RPIA: variants seen among roughly 807,000 people sequenced by gnomAD.
The protein encoded by RPIA is ribose-5-phosphate isomerase.
Under a neutral mutation model 37.8 loss-of-function variants are expected in RPIA, and 29 were observed. The ratio of observed to expected loss-of-function variants is 0.77; its 90% confidence interval spans 0.57 to 1.05. RPIA has a LOEUF of 1.05. Ranked by LOEUF, RPIA falls within the 50% of genes least tolerant of loss-of-function variation. The pLI is 0.00. For synonymous variants in RPIA, 167 were observed against 157.0 expected, an observed-to-expected ratio of 1.06 and a Z score of -0.48; for missense variants, 385 against 413.6, an observed-to-expected ratio of 0.93 and a Z score of 0.60.
In RPIA at chr2:88,691,998, A is replaced by G; in HGVS notation, c.285+15A>G. ...ACCACGTGAGGGTGAGCACTTCGAA[A>G]CGTGGGGCGCGGGGCGCATGTCCTT... is the stretch of plus-strand genomic sequence containing the variant. On this transcript the variant is annotated intron_variant, in intron 1 of 8. Transcript: ENST00000283646. The G allele has an allele frequency of 3.8e-6, 6 of 1,575,394 alleles. No homozygotes were observed. Among genetic ancestry groups the G allele is most frequent in the Non-Finnish European group, 5.2e-6 (6 of 1,162,632 alleles).
At chr2:88,695,080 G>T (rs1226221066) in intron 1 of RPIA, among the ~76,000 whole-genome samples, 1 of 152,106 alleles carries the variant, frequency 6.6e-6, no homozygotes, top group Admixed American at 6.5e-5. Context: ...AGGATGGTGT[G>T]CCTAGAGAGA....
intron 1 of RPIA, among the ~76,000 whole-genome samples, chr2:88,694,374 C>A (rs1035312711): frequency 6.6e-6 from 1 of 152,214 alleles, no homozygotes; most frequent in African/African-American, 2.4e-5. Context: ...TCCGAATTCA[C>A]CTCTGTGCCA....
In RPIA at chr2:88,691,971, G is replaced by C; in HGVS notation, c.273G>C (p.Glu91Asp). ...AGCTGGCGGGCCGCGCGGCTGTGGA[G>C]AACCACGTGAGGGTGAGCACTTCGA... ...AKKLAGRAAV[E>D]NHVRNNQVLG... Residue 91 changes from glutamate (E) to aspartate (D), a missense_variant, in exon 1 of 9, where the codon GAG becomes GAC. Coordinates refer to ENST00000283646, the MANE Select transcript of RPIA (RefSeq NM_144563.3). 1.9e-6 allele frequency: 3 copies of C among 1,589,294 alleles called. No individual in the cohort carries two copies. Among genetic ancestry groups the C allele is most frequent in the South Asian group, 2.3e-5 (2 of 87,542 alleles).
chr2:88,721,579 C>A (rs1056480608), intron 3 of RPIA, among the ~76,000 whole-genome samples: 1 of 126,266 alleles, frequency 7.9e-6, no homozygotes, highest in African/African-American at 3.0e-5. Flanking sequence ...ACACCCCCCC[C>A]CCCACATGCA....
intron 3 of RPIA, among the ~76,000 whole-genome samples, chr2:88,703,230 G>A (rs183014788): frequency 6.6e-6 from 1 of 152,218 alleles, no homozygotes; most frequent in East Asian, 1.9e-4. Context: ...ACCATTCTGG[G>A]GTCTGGAGGA....
intron 2 of RPIA, among the ~76,000 whole-genome samples, chr2:88,699,129 T>C (rs1009142541): frequency 6.6e-6 from 1 of 152,216 alleles, no homozygotes; most frequent in South Asian, 2.1e-4. Context: ...TTCTTCTAGG[T>C]GCCAAGGGGC....
At chr2:88,707,305 C>CT (rs112665683) in intron 3 of RPIA, among the ~76,000 whole-genome samples, 13,990 of 148,508 alleles carry the variant, frequency 0.094, 1,362 homozygotes, top group African/African-American at 0.25. Flanking sequence ...TTGTGATTTT[C>CT]TTTTTTTTTT....
At chr2:88,698,916 T>G (rs1672793892) in intron 2 of RPIA, among the ~76,000 whole-genome samples, 1 of 152,242 alleles carries the variant, frequency 6.6e-6, no homozygotes, top group Non-Finnish European at 1.5e-5. Flanking sequence ...GGGTTTGCCC[T>G]GTCCATGACC....
chr2:88,749,306 G>A (rs746275826), intron 8 of RPIA, among the ~76,000 whole-genome samples: 2 of 152,136 alleles, frequency 1.3e-5, no homozygotes, highest in East Asian at 1.9e-4. Context: ...TTCAGTGTGT[G>A]TGTAGTGATA....
At chr2:88,736,510 G>T (rs1247928461) in intron 6 of RPIA, 25 bp from the exon 7 acceptor site, 1 of 1,613,784 alleles carries the variant, frequency 6.2e-7, no homozygotes, top group Admixed American at 1.7e-5. Flanking sequence ...TACTTTTATT[G>T]TACTTTCTGA....
At position 88,734,586 on chromosome 2, in the gene RPIA, A is replaced by G; in HGVS notation, c.497A>G (p.Asp166Gly). 1.9e-6 allele frequency: 3 copies of G among 1,614,188 alleles called. No individual in the cohort carries two copies. Among genetic ancestry groups the G allele is most frequent in the South Asian group, 1.1e-5 (1 of 91,086 alleles). ...GCCATCGATGGTGCTGATGAAGTAGATGCTGATCTCAATCTCATCAAGGGT... is the reference window on the plus strand; with the variant it reads ...GCCATCGATGGTGCTGATGAAGTAGGTGCTGATCTCAATCTCATCAAGGGT... ...DLAIDGADEV[D>G]ADLNLIKGGG... Residue 166 changes from aspartate to glycine, a missense_variant, in exon 5 of 9, where the codon GAT becomes GGT. Asp to Gly is a moderately conservative substitution (Grantham distance 94, BLOSUM62 -1). Around this residue, in one of 2 missense-constraint regions of RPIA, gnomAD observed 153 missense variants for 210.6 expected, o/e 0.73. Transcript: ENST00000283646.
intron 8 of RPIA, 62 bp downstream of exon 8, chr2:88,738,138 A>G (rs1174362720): frequency 1.7e-6 from 2 of 1,179,574 alleles, no homozygotes; most frequent in African/African-American, 1.5e-5. Flanking sequence ...TGGCCCCTAC[A>G]TCTGGCCACA....
At chr2:88,736,360 A>G (rs1026596529) in intron 6 of RPIA, among the ~76,000 whole-genome samples, 175 bp from the exon 7 acceptor site, 1 of 152,198 alleles carries the variant, frequency 6.6e-6, no homozygotes, top group African/African-American at 2.4e-5. Flanking sequence ...TTTATTTCAA[A>G]TAGCTCTTTT....
intron 3 of RPIA, among the ~76,000 whole-genome samples, chr2:88,713,099 A>AAT (rs1553420187): frequency 0.16 from 7,069 of 45,452 alleles, 1,221 homozygotes; most frequent in East Asian, 0.3. Flanking sequence ...TGGATGTCTG[A>AAT]ATATATATAT....
chr2:88,695,243 G>A (rs1372249738), intron 1 of RPIA, among the ~76,000 whole-genome samples: 1 of 152,182 alleles, frequency 6.6e-6, no homozygotes, highest in Non-Finnish European at 1.5e-5. Context: ...AGAGTGTTGT[G>A]GAAACTCCAA....
rs1408218410 is a variant in RPIA at position 88,736,627 on chromosome 2, G to T, written c.689G>T (p.Ser230Ile). The T allele has an allele frequency of 6.2e-7, 1 of 1,614,072 alleles. No individual in the cohort carries two copies. Among genetic ancestry groups the T allele is most frequent in the Non-Finnish European group, 8.5e-7 (1 of 1,179,956 alleles). ...TATGTCCCAGTGAGCCGAGCTGTGAGCCAGAAGTTTGGGGGCGTGGTTGAA... is the reference window on the plus strand; with the variant it reads ...TATGTCCCAGTGAGCCGAGCTGTGATCCAGAAGTTTGGGGGCGTGGTTGAA... The part of the protein sequence containing the change: ...MAYVPVSRAV[S>I]QKFGGVVELR... The change falls in exon 7 of 9, where the codon AGC (serine) becomes ATC (isoleucine). Residue 230 changes from serine to isoleucine, a missense_variant. Ser to Ile is a moderately radical substitution (Grantham distance 142). This residue lies in a region of RPIA where 153 missense variants were observed against 210.6 expected (regional missense o/e 0.73). Coordinates refer to ENST00000283646, the MANE Select transcript of RPIA (RefSeq NM_144563.3).
chr2:88,729,699 C>A (rs1036067632), intron 4 of RPIA, among the ~76,000 whole-genome samples: 1 of 152,118 alleles, frequency 6.6e-6, no homozygotes, highest in Non-Finnish European at 1.5e-5. Flanking sequence ...TCTGAGGCAG[C>A]CATGGACATT....
intron 3 of RPIA, among the ~76,000 whole-genome samples, chr2:88,703,623 C>T (rs555430774): frequency 6.6e-5 from 10 of 152,234 alleles, no homozygotes; most frequent in African/African-American, 2.4e-4. Context: ...TGGGCCTGGC[C>T]CACAAAACCA....
chr2:88,711,187 T>C (rs1413374227), intron 3 of RPIA, among the ~76,000 whole-genome samples: 2 of 152,254 alleles, frequency 1.3e-5, no homozygotes, highest in African/African-American at 2.4e-5. Flanking sequence ...GTTGCTCTTA[T>C]ATAGAATGTA....
Sources: gnomAD v4.1 joint callset for allele counts (sites outside exome capture counted in the v4.1 genomes callset) on GRCh38, gnomAD v4.1.1 for gene constraint, gnomAD v4.1.1 regional missense constraint, MANE v1.5 for transcripts, NCBI Gene and HGNC (gene_info 2026-07-23, HGNC 2026-07-21) for gene names.